Variants in GRM1 observed in about 807,000 individuals in gnomAD.
The protein encoded by GRM1 is metabotropic glutamate receptor 1.
GRM1 carries 33 observed loss-of-function variants against 90.9 expected under a neutral mutation model. The ratio of observed to expected loss-of-function variants is 0.36; its 90% CI spans 0.28 to 0.49. The LOEUF (loss-of-function observed/expected upper bound fraction) is 0.49, where lower values mean the gene tolerates loss of function less well. GRM1 is among the 20% of genes least tolerant of loss of function. GRM1 has a pLI of 0.99. For synonymous variants in GRM1, 700 were observed against 613.2 expected, an observed-to-expected ratio of 1.14 and a Z score of -2.09; for missense variants, 1,190 against 1,534.3, an observed-to-expected ratio of 0.78 and a Z score of 3.75.
intron 1 of GRM1, among the ~76,000 whole-genome samples, chr6:146,125,541 T>C (rs1329786004): frequency 2.0e-5 from 3 of 152,086 alleles, no homozygotes; most frequent in African/African-American, 7.2e-5. Context: ...TTATTTTTTA[T>C]TTCTGGCTGT....
chr6:146,281,660 TA>T (rs1782573118), intron 2 of GRM1, among the ~76,000 whole-genome samples: 1 of 152,226 alleles, frequency 6.6e-6, no homozygotes, highest in South Asian at 2.1e-4. Context: ...TTCTTAATTT[TA>T]TGATTAATAT....
chr6:146,119,255 G>A (rs1775886554), intron 1 of GRM1, among the ~76,000 whole-genome samples: 1 of 152,154 alleles, frequency 6.6e-6, no homozygotes, highest in East Asian at 1.9e-4. Context: ...AGAAGTGTCT[G>A]TTCATATCCT....
At chr6:146,401,255 T>G (rs191605560) in intron 7 of GRM1, among the ~76,000 whole-genome samples, 1 of 152,252 alleles carries the variant, frequency 6.6e-6, no homozygotes, top group Non-Finnish European at 1.5e-5. Context: ...TACGCTTACT[T>G]CTTGGTATAT....
intron 1 of GRM1, among the ~76,000 whole-genome samples, chr6:146,141,395 A>G (rs549952748): frequency 1.3e-4 from 20 of 150,616 alleles, no homozygotes; most frequent in Non-Finnish European, 2.5e-4. Context: ...TTGGTATTCT[A>G]TAACTTTCTT....
At chr6:146,041,087 T>G (rs560563126) in intron 1 of GRM1, among the ~76,000 whole-genome samples, 2 of 152,196 alleles carry the variant, frequency 1.3e-5, no homozygotes, top group East Asian at 3.9e-4. Context: ...CCAAAATTTC[T>G]GTTTAACTTT....
chr6:146,172,531 G>T (rs898730094), intron 2 of GRM1, among the ~76,000 whole-genome samples: 1 of 152,216 alleles, frequency 6.6e-6, no homozygotes, highest in South Asian at 2.1e-4. Flanking sequence ...GGTATTAGTA[G>T]TCTGTGGAAA....
At chr6:146,294,620 A>T (rs1180025502) in intron 2 of GRM1, among the ~76,000 whole-genome samples, 1 of 152,142 alleles carries the variant, frequency 6.6e-6, no homozygotes, top group Non-Finnish European at 1.5e-5. Flanking sequence ...TCTCTAACAA[A>T]TTTTGCCAGC....
chr6:146,434,209 A>AC lies in GRM1; in HGVS notation c.3004dup (p.Leu1002ProfsTer103), dbSNP rs762650853. ...GCCGTCCCACCTGACCGCAGAGGAG[A>AC]CCCCCCTCTTCCTGGCCGAACCAGC... is the stretch of plus-strand genomic sequence containing the variant. On this transcript the variant is annotated frameshift_variant, in exon 8 of 8. Coordinates refer to ENST00000282753, the MANE Select transcript of GRM1 (RefSeq NM_001278064.2). LOFTEE classifies it high-confidence loss of function. The AC allele has an allele frequency of 3.7e-6, 6 of 1,606,606 alleles. No homozygotes were observed. Among genetic ancestry groups the AC allele is most frequent in the South Asian group, 2.2e-5 (2 of 90,788 alleles).
At chr6:146,096,248 A>G (rs546029944) in intron 1 of GRM1, among the ~76,000 whole-genome samples, 1 of 152,302 alleles carries the variant, frequency 6.6e-6, no homozygotes, top group South Asian at 2.1e-4. Flanking sequence ...GGAAGTATGC[A>G]TATGTCTGTG....
intron 2 of GRM1, among the ~76,000 whole-genome samples, chr6:146,289,506 TA>T (rs900308481): frequency 8.5e-5 from 13 of 152,148 alleles, no homozygotes; most frequent in African/African-American, 3.1e-4. Context: ...TACAGTAAAC[TA>T]AGGTTAATTT....
At chr6:146,163,885 C>A (rs989752444) in intron 2 of GRM1, among the ~76,000 whole-genome samples, 1 of 152,112 alleles carries the variant, frequency 6.6e-6, no homozygotes. Flanking sequence ...ACGGATAACT[C>A]ATTTAACCTC....
chr6:146,116,111 TG>T (rs1775735515), intron 1 of GRM1, among the ~76,000 whole-genome samples: 1 of 152,028 alleles, frequency 6.6e-6, no homozygotes. Context: ...CCGTGATGCT[TG>T]GCTAATTTTT....
Position 146,434,649 on chromosome 6 carries a change from G to C in GRM1, c.3438G>C (p.Thr1146=), listed in dbSNP as rs1273189687. The change falls in exon 8 of 8, where the codon ACG becomes ACC. Residue 1146 remains threonine, a synonymous_variant. Transcript: ENST00000282753. ...KLTPDDSPAL[T]PPSPFRDSVA... ...CCCCGGATGATTCGCCTGCGCTGAC[G>C]CCTCCGTCGCCTTTCCGCGACTCGG... The C allele has an allele frequency of 1.9e-6, 3 of 1,609,502 alleles. No homozygotes were observed. Among genetic ancestry groups the C allele is most frequent in the Non-Finnish European group, 1.7e-6 (2 of 1,180,014 alleles).
chr6:146,186,294 A>G (rs1778730519), intron 2 of GRM1, among the ~76,000 whole-genome samples: 1 of 151,970 alleles, frequency 6.6e-6, no homozygotes, highest in Non-Finnish European at 1.5e-5. Flanking sequence ...TATACTCTTA[A>G]TATGACAATT....
chr6:146,220,282 G>C (rs56226702), intron 2 of GRM1, among the ~76,000 whole-genome samples: 1 of 152,028 alleles, frequency 6.6e-6, no homozygotes, highest in African/African-American at 2.4e-5. Flanking sequence ...TGAGATGTAC[G>C]ATTAACTAAA....
chr6:146,405,257 CA>C (rs1399390256), intron 7 of GRM1, among the ~76,000 whole-genome samples: 1 of 151,844 alleles, frequency 6.6e-6, no homozygotes, highest in Non-Finnish European at 1.5e-5. Flanking sequence ...GATCAATTGT[CA>C]AAATATTTAA....
chr6:146,338,232 C>G (rs1344288392), intron 3 of GRM1, among the ~76,000 whole-genome samples: 1 of 152,152 alleles, frequency 6.6e-6, no homozygotes, highest in African/African-American at 2.4e-5. Flanking sequence ...TTTTACTGGG[C>G]TATGGCAGGT....
chr6:146,420,783 C>G (rs1015571331), intron 7 of GRM1, among the ~76,000 whole-genome samples: 3 of 152,134 alleles, frequency 2.0e-5, no homozygotes, highest in African/African-American at 7.2e-5. Flanking sequence ...TGTTTGAACT[C>G]TATCTCAGAG....
intron 3 of GRM1, among the ~76,000 whole-genome samples, chr6:146,346,353 GA>G (rs1278233431): frequency 9.2e-5 from 14 of 152,156 alleles, no homozygotes; most frequent in Non-Finnish European, 2.1e-4. Context: ...TAATAACCGT[GA>G]TAATAACATG....
Sources: gnomAD v4.1 joint callset for allele counts (sites outside exome capture counted in the v4.1 genomes callset) on GRCh38, gnomAD v4.1.1 for gene constraint, MANE v1.5 for transcripts, NCBI Gene and HGNC (gene_info 2026-07-23, HGNC 2026-07-21) for gene names.